ERICH5: variants seen among roughly 807,000 people sequenced by gnomAD.
The protein encoded by ERICH5 is glutamate-rich protein 5.
In ERICH5, 24 loss-of-function variants were observed where a neutral mutation model predicts 28.0. The ratio of observed to expected loss-of-function variants is 0.86; its 90% CI spans 0.62 to 1.21. The LOEUF (loss-of-function observed/expected upper bound fraction) is 1.21, where lower values mean the gene tolerates loss of function less well. ERICH5 is among the 50% of genes most tolerant of loss of function. The pLI is 0.00. For missense variants in ERICH5, 421 were observed against 441.2 expected (o/e 0.95, Z 0.41); for synonymous variants, 163 against 157.6 (o/e 1.03, Z -0.25).
intron 1 of ERICH5, among the ~76,000 whole-genome samples, chr8:98,075,212 A>G (rs1372833197): frequency 6.6e-6 from 1 of 152,162 alleles, no homozygotes. Flanking sequence ...GGAGACTCTG[A>G]AGTTTGATGA....
chr8:98,091,519 A>G (rs1054843108), intron 2 of ERICH5, among the ~76,000 whole-genome samples: 9 of 152,202 alleles, frequency 5.9e-5, no homozygotes, highest in Non-Finnish European at 1.3e-4. Flanking sequence ...ACTGAAAATG[A>G]GTGAGGTGAA....
chr8:98,093,328 A>T lies in ERICH5; in HGVS notation c.1120A>T (p.Thr374Ser). ...TGEVVDLSAA[T>S] ...AGAAGTGGTGGACCTTTCAGCAGCC[A>T]CATAGATAGAAGAGTGAACCGACAC... The change falls in exon 3 of 3, where the codon ACA becomes TCA. Residue 374 changes from threonine (T) to serine (S), a missense_variant. Physicochemically the swap from Thr to Ser is moderately conservative, Grantham distance 58. Transcript: ENST00000318528. The T allele has an allele frequency of 1.9e-6, 3 of 1,611,260 alleles. No individual in the cohort carries two copies. The highest frequency in any genetic ancestry group is 2.5e-6 in the Non-Finnish European group (3 of 1,177,612).
chr8:98,083,309 C>G (rs1815215107), intron 1 of ERICH5, among the ~76,000 whole-genome samples: 1 of 152,156 alleles, frequency 6.6e-6, no homozygotes, highest in African/African-American at 2.4e-5. Flanking sequence ...GCAATTATCA[C>G]CAGACCATCA....
chr8:98,086,147 G>C, intron 1 of ERICH5, among the ~76,000 whole-genome samples: 1 of 152,016 alleles, frequency 6.6e-6, no homozygotes, highest in East Asian at 1.9e-4. Context: ...TGACAGTAAA[G>C]AGATTTAAAA....
intron 2 of ERICH5, among the ~76,000 whole-genome samples, chr8:98,091,040 C>T (rs780041475): frequency 2.6e-5 from 4 of 152,114 alleles, no homozygotes; most frequent in Admixed American, 1.3e-4. Context: ...TGCGTTCAAG[C>T]GATTCTCCCG....
In ERICH5 at chr8:98,089,861, A is replaced by T. The variant is rs1815350659; in HGVS notation, c.844A>T (p.Met282Leu). ...AAGTCAGCTTGTGGAAAAGCCTGTT[A>T]TGAATGATCCATTCCATAAAACTCC... ...DRSQLVEKPV[M>L]NDPFHKTPEG... Residue 282 changes from methionine (M) to leucine (L), a missense_variant, in exon 2 of 3, where the codon ATG (methionine) becomes TTG (leucine). Physicochemically the swap from Met to Leu is conservative, Grantham distance 15. Transcript: ENST00000318528. 1 of 1,614,236 alleles carries T rather than the reference A, an allele frequency of 6.2e-7. No homozygotes were observed. Among genetic ancestry groups the T allele is most frequent in the African/African-American group, 1.3e-5 (1 of 75,064 alleles).
chr8:98,070,439 C>G (rs1278440278), intron 1 of ERICH5, among the ~76,000 whole-genome samples: 1 of 151,470 alleles, frequency 6.6e-6, no homozygotes, highest in Non-Finnish European at 1.5e-5. Context: ...GGCAGATCAC[C>G]TGAGGTTGGG....
chr8:98,071,905 GTTTTA>G (rs1315715536), intron 1 of ERICH5, among the ~76,000 whole-genome samples: 143 of 134,696 alleles, frequency 1.1e-3, no homozygotes, highest in African/African-American at 4.0e-3. Flanking sequence ...TATTTTTTAA[GTTTTA>G]TTTTATTTTT....
At position 98,081,927 on chromosome 8, in the gene ERICH5, T is replaced by TA. The variant is rs200498974; in HGVS notation, c.59-7133dup. ...TGGGCAACAAGAATGAAACTTCGTC[T>TA]AAAAAAAAAAAAAAAATTCCCCTAT... is the stretch of plus-strand genomic sequence containing the variant. On this transcript the variant is annotated intron_variant, in intron 1 of 2. Coordinates refer to ENST00000318528, the MANE Select transcript of ERICH5 (RefSeq NM_173549.3). Among the ~76,000 whole-genome samples, 440 of 139,502 alleles carry TA rather than the reference T, an allele frequency of 3.2e-3. 3 individuals are homozygous for TA. Among genetic ancestry groups the TA allele is most frequent in the Middle Eastern group, 0.027 (7 of 260 alleles). The allele number at this position is 139,502 out of a possible 152,430, so 91.5% of individuals were successfully genotyped here. A position where few individuals can be genotyped will look rare whatever the true frequency, so the allele number is the denominator to read the frequency against.
intron 1 of ERICH5, among the ~76,000 whole-genome samples, chr8:98,069,632 C>T (rs186493015): frequency 2.6e-5 from 4 of 152,264 alleles, no homozygotes; most frequent in African/African-American, 9.6e-5. Flanking sequence ...AATTTGTTTA[C>T]AGTCTTTCCC....
rs1468075739 is a variant in ERICH5 at position 98,089,220 on chromosome 8, C to T, written c.203C>T (p.Ser68Leu). The T allele has an allele frequency of 6.2e-7, 1 of 1,614,194 alleles. No homozygotes were observed. Among genetic ancestry groups the T allele is most frequent in the Non-Finnish European group, 8.5e-7 (1 of 1,180,034 alleles). ...CCTCCCTTACAAAAGCTCAAGGTTT[C>T]AGCAGAGCCTACAGCTAATGGTGTT... ...SRPPLQKLKV[S>L]AEPTANGVKP... Residue 68 changes from serine to leucine, a missense_variant, in exon 2 of 3, where the codon TCA (serine) becomes TTA (leucine). Transcript: ENST00000318528.
At chr8:98,071,919 T>A (rs1043636150) in intron 1 of ERICH5, among the ~76,000 whole-genome samples, 1 of 151,830 alleles carries the variant, frequency 6.6e-6, no homozygotes, top group Non-Finnish European at 1.5e-5. Context: ...TATTTTATTT[T>A]TTTTTTTTGG....
At chr8:98,077,096 C>G (rs1815069232) in intron 1 of ERICH5, among the ~76,000 whole-genome samples, 1 of 130,596 alleles carries the variant, frequency 7.7e-6, no homozygotes, top group Non-Finnish European at 1.6e-5. Flanking sequence ...GGCCCTGTCT[C>G]TATTAAAAAA....
intron 1 of ERICH5, among the ~76,000 whole-genome samples, chr8:98,066,215 T>A (rs901978933): frequency 1.7e-4 from 26 of 152,206 alleles, no homozygotes; most frequent in Middle Eastern, 3.2e-3. Flanking sequence ...TGTTATGAAA[T>A]TAAGTAGAGT....
chr8:98,073,876 C>A (rs977745785), intron 1 of ERICH5, among the ~76,000 whole-genome samples: 11 of 149,360 alleles, frequency 7.4e-5, no homozygotes. Flanking sequence ...TTCTAGATCC[C>A]TGAGTTTGTT....
intron 2 of ERICH5, among the ~76,000 whole-genome samples, chr8:98,091,127 G>T (rs944302042): frequency 3.3e-5 from 5 of 151,998 alleles, no homozygotes; most frequent in Non-Finnish European, 7.4e-5. Flanking sequence ...TAGTAGAGAC[G>T]GGGTTTCACC....
At chr8:98,071,203 G>A (rs1287694321) in intron 1 of ERICH5, among the ~76,000 whole-genome samples, 1 of 152,106 alleles carries the variant, frequency 6.6e-6, no homozygotes, top group Non-Finnish European at 1.5e-5. Context: ...CTTGAACCTG[G>A]GAGGTGGAGG....
At chr8:98,085,818 G>C (rs568888774) in intron 1 of ERICH5, among the ~76,000 whole-genome samples, 2 of 152,222 alleles carry the variant, frequency 1.3e-5, no homozygotes, top group African/African-American at 2.4e-5. Context: ...TTCTCCTGGG[G>C]CTCGCAAACT....
At chr8:98,082,481 C>A (rs572935987) in intron 1 of ERICH5, among the ~76,000 whole-genome samples, 119 of 151,848 alleles carry the variant, frequency 7.8e-4, no homozygotes, top group Non-Finnish European at 1.3e-3. Context: ...CCCCATCTCT[C>A]CTAAAAATAC....
Sources: gnomAD v4.1 joint callset for allele counts (sites outside exome capture counted in the v4.1 genomes callset) on GRCh38, gnomAD v4.1.1 for gene constraint, MANE v1.5 for transcripts, NCBI Gene and HGNC (gene_info 2026-07-23, HGNC 2026-07-21) for gene names.